AKAP13: variants seen among roughly 807,000 people sequenced by gnomAD.
AKAP13 encodes the protein A-kinase anchoring protein 13.
A neutral mutation model predicts 264.5 loss-of-function variants in AKAP13; 80 were observed. That is an observed-to-expected ratio of 0.30 (90% CI 0.25 to 0.36). AKAP13 has a LOEUF of 0.36. Ranked by LOEUF, AKAP13 falls within the 10% of genes least tolerant of loss-of-function variation. AKAP13 has a pLI of 1.00. For synonymous variants in AKAP13, 1,380 were observed against 1,250.2 expected (o/e 1.10, Z -2.19); for missense variants, 3,712 against 3,435.2 (o/e 1.08, Z -2.01).
intron 1 of AKAP13, among the ~76,000 whole-genome samples, chr15:85,437,782 A>C (rs1254928512): frequency 9.2e-5 from 14 of 152,052 alleles, no homozygotes; most frequent in Non-Finnish European, 1.5e-4. Context: ...CATGCTAAAA[A>C]CTCTCAATAA....
At chr15:85,683,949 C>G (rs2084753820) in intron 15 of AKAP13, among the ~76,000 whole-genome samples, 1 of 152,114 alleles carries the variant, frequency 6.6e-6, no homozygotes, top group Non-Finnish European at 1.5e-5. Context: ...TCAGTAAGTT[C>G]CCTCCTAAAA....
chr15:85,508,781 A>C (rs1251970169), intron 2 of AKAP13, among the ~76,000 whole-genome samples: 1 of 152,056 alleles, frequency 6.6e-6, no homozygotes, highest in Non-Finnish European at 1.5e-5. Context: ...CTCCAGACTG[A>C]CCTTTGCTAT....
At chr15:85,560,157 A>T (rs12900456) in intron 5 of AKAP13, among the ~76,000 whole-genome samples, 1 of 124,304 alleles carries the variant, frequency 8.0e-6, no homozygotes, top group Non-Finnish European at 1.7e-5. Context: ...AAAAAAAAAA[A>T]CAGTAAAAAT....
chr15:85,735,760 G>GA, intron 32 of AKAP13, 130 bp downstream of exon 32: 2 of 986,924 alleles, frequency 2.0e-6, no homozygotes, highest in East Asian at 5.2e-5. Context: ...TATTTTCAGG[G>GA]AAAATCACAT....
chr15:85,547,044 G>A (rs905138501), intron 5 of AKAP13, among the ~76,000 whole-genome samples: 1 of 152,150 alleles, frequency 6.6e-6, no homozygotes, highest in Non-Finnish European at 1.5e-5. Flanking sequence ...GCCCAGCCAT[G>A]ATGCTATCTT....
At chr15:85,635,013 G>C in intron 8 of AKAP13, 1 of 397,702 alleles carries the variant, frequency 2.5e-6, no homozygotes, top group Non-Finnish European at 4.4e-6. Flanking sequence ...GAGCTCTCAT[G>C]AATTAAAGCG....
At chr15:85,399,523 T>TA (rs1367253621) in intron 1 of AKAP13, among the ~76,000 whole-genome samples, 4 of 78,026 alleles carry the variant, frequency 5.1e-5, no homozygotes, top group African/African-American at 2.1e-4. Context: ...AAAAAAAAAA[T>TA]AAAAAAATAA....
chr15:85,444,396 A>G (rs537534228), intron 1 of AKAP13, among the ~76,000 whole-genome samples: 205 of 152,332 alleles, frequency 1.3e-3, no homozygotes, highest in African/African-American at 4.4e-3. Context: ...AATAAAAGGT[A>G]GTTGAGGAGG....
chr15:85,434,622 C>G (rs2073186101), intron 1 of AKAP13, among the ~76,000 whole-genome samples: 1 of 151,958 alleles, frequency 6.6e-6, no homozygotes, highest in Non-Finnish European at 1.5e-5. Context: ...AGCTGGAGAT[C>G]TGAGAACCGG....
intron 29 of AKAP13, 82 bp from the exon 30 acceptor site, chr15:85,730,431 C>T: frequency 6.9e-7 from 1 of 1,449,370 alleles, no homozygotes; most frequent in Non-Finnish European, 9.5e-7. Context: ...CATAAATTAC[C>T]ACAAGGTGGT....
intron 2 of AKAP13, among the ~76,000 whole-genome samples, chr15:85,513,797 C>A (rs1182772695): frequency 1.1e-5 from 1 of 88,394 alleles, no homozygotes. Flanking sequence ...TTGAAGAATA[C>A]AGTGCCCTCT....
intron 3 of AKAP13, among the ~76,000 whole-genome samples, 175 bp from the exon 4 acceptor site, chr15:85,533,409 A>C (rs577157537): frequency 6.6e-6 from 1 of 152,318 alleles, no homozygotes; most frequent in South Asian, 2.1e-4. Context: ...TTAAAAGCTG[A>C]AAATGGAGTT....
At chr15:85,536,898 G>A (rs1231066501) in intron 4 of AKAP13, 1 of 152,188 alleles carries the variant, frequency 6.6e-6, no homozygotes, top group African/African-American at 2.4e-5. Flanking sequence ...GTTCGTGGTG[G>A]TGGCTGTAAG....
At chr15:85,692,914 A>C (rs936249513) in intron 16 of AKAP13, among the ~76,000 whole-genome samples, 3 of 152,066 alleles carry the variant, frequency 2.0e-5, no homozygotes, top group Non-Finnish European at 4.4e-5. Context: ...CCCTAAACCC[A>C]TGACTCTCTT....
chr15:85,673,341 A>G (rs905314176), intron 14 of AKAP13, among the ~76,000 whole-genome samples: 8 of 152,192 alleles, frequency 5.3e-5, no homozygotes, highest in Non-Finnish European at 1.2e-4. Flanking sequence ...GAAAAGCTGC[A>G]GTGTCTCCTG....
chr15:85,650,428 C>A (rs142511003), intron 10 of AKAP13, among the ~76,000 whole-genome samples: 27 of 152,042 alleles, frequency 1.8e-4, no homozygotes, highest in South Asian at 6.2e-4. Context: ...GAGATGCTGT[C>A]TTAAAAATAA....
At chr15:85,516,341 C>G (rs960405895) in intron 2 of AKAP13, among the ~76,000 whole-genome samples, 4 of 152,016 alleles carry the variant, frequency 2.6e-5, no homozygotes, top group African/African-American at 9.7e-5. Context: ...AACAACATAC[C>G]CCAAGTTAAA....
chr15:85,478,252 A>T (rs1239382765), intron 1 of AKAP13, among the ~76,000 whole-genome samples: 1 of 152,152 alleles, frequency 6.6e-6, no homozygotes, highest in Non-Finnish European at 1.5e-5. Flanking sequence ...ATCTCCCTTT[A>T]TTGAGTTTTT....
chr15:85,496,396 T>G (rs1206900334), intron 2 of AKAP13, among the ~76,000 whole-genome samples: 3 of 152,204 alleles, frequency 2.0e-5, no homozygotes, highest in Non-Finnish European at 4.4e-5. Flanking sequence ...TTTATGCTAA[T>G]TAAAACAGAC....
Sources: gnomAD v4.1 joint callset for allele counts (sites outside exome capture counted in the v4.1 genomes callset) on GRCh38, gnomAD v4.1.1 for gene constraint, MANE v1.5 for transcripts, NCBI Gene and HGNC (gene_info 2026-07-23, HGNC 2026-07-21) for gene names.